TMEM181: variants seen among roughly 807,000 people sequenced by gnomAD.
The protein encoded by TMEM181 is G protein-coupled receptor 178.
In TMEM181, 39 loss-of-function variants were observed where a neutral mutation model predicts 71.9. That is an observed-to-expected ratio of 0.54 (90% CI 0.42 to 0.71). The LOEUF is 0.71. Ranked by LOEUF, TMEM181 falls within the 30% of genes least tolerant of loss-of-function variation. The pLI is 0.00. For synonymous variants in TMEM181, 245 were observed against 228.8 expected (o/e 1.07, Z -0.64); for missense variants, 595 against 583.0 (o/e 1.02, Z -0.21).
chr6:158,591,703 C>G (rs1784119613), intron 6 of TMEM181, among the ~76,000 whole-genome samples: 1 of 152,034 alleles, frequency 6.6e-6, no homozygotes. Context: ...CAAGGGACCT[C>G]TCCCTTTCAT....
intron 1 of TMEM181, among the ~76,000 whole-genome samples, chr6:158,547,366 G>T (rs1781559923): frequency 6.6e-6 from 1 of 152,042 alleles, no homozygotes; most frequent in South Asian, 2.1e-4. Context: ...TGAGCACTGG[G>T]TTTTTTTTAA....
At chr6:158,598,537 T>C (rs1014231753) in intron 6 of TMEM181, among the ~76,000 whole-genome samples, 1 of 152,152 alleles carries the variant, frequency 6.6e-6, no homozygotes, top group Non-Finnish European at 1.5e-5. Flanking sequence ...TACTGTACTT[T>C]CCTGAGTGCT....
intron 6 of TMEM181, among the ~76,000 whole-genome samples, chr6:158,597,656 C>T (rs1784453972): frequency 1.3e-5 from 2 of 152,156 alleles, no homozygotes; most frequent in African/African-American, 4.8e-5. Context: ...GCACACACCA[C>T]CATGCCTGGC....
chr6:158,571,040 A>G (rs1413720440), intron 1 of TMEM181, among the ~76,000 whole-genome samples: 2 of 151,752 alleles, frequency 1.3e-5, no homozygotes, highest in South Asian at 2.1e-4. Context: ...AGCCTCCTGA[A>G]CAGCTGAGAT....
In TMEM181 at chr6:158,605,342, G is replaced by T. The variant is rs762469850; in HGVS notation, c.568G>T (p.Val190Phe). 1 of 1,613,648 alleles carries T rather than the reference G, an allele frequency of 6.2e-7. No homozygotes were observed. Among genetic ancestry groups the T allele is most frequent in the South Asian group, 1.1e-5 (1 of 91,084 alleles). Reference sequence around the variant, plus strand: ...TTTCTTTGTGGTGCTCACCTTCATCGTCACTGTGAGTACCATTCGCCTGAT... The same window carrying T: ...TTTCTTTGTGGTGCTCACCTTCATCTTCACTGTGAGTACCATTCGCCTGAT... ...RFFFVVLTFI[V>F]TCLFAHSLRK... Residue 190 changes from valine to phenylalanine, a missense_variant, in exon 7 of 17, where the codon GTC becomes TTC. Physicochemically the swap from Val to Phe is conservative, Grantham distance 50. Coordinates refer to ENST00000684151, the MANE Select transcript of TMEM181 (RefSeq NM_001376852.1).
chr6:158,544,182 A>AGAGAGAGAGAGTGTGTGTGTGTGT (rs149735409), intron 1 of TMEM181, among the ~76,000 whole-genome samples: 67 of 127,646 alleles, frequency 5.2e-4, no homozygotes, highest in Non-Finnish European at 1.0e-3. Context: ...AATTGGAGAG[A>AGAGAGAGAGAGTGTGTGTGTGTGT]GTGTGTGTGT....
At chr6:158,589,275 C>T (rs908847189) in intron 5 of TMEM181, among the ~76,000 whole-genome samples, 7 of 152,138 alleles carry the variant, frequency 4.6e-5, no homozygotes, top group African/African-American at 9.7e-5. Context: ...TTATAACAAT[C>T]GCAAAATTGG....
At chr6:158,551,603 C>G (rs1448906690) in intron 1 of TMEM181, among the ~76,000 whole-genome samples, 1 of 152,032 alleles carries the variant, frequency 6.6e-6, no homozygotes, top group Non-Finnish European at 1.5e-5. Context: ...AAGATGGCAA[C>G]CAGAATCATG....
At chr6:158,536,921 C>G in intron 1 of TMEM181, 1 of 1,217,218 alleles carries the variant, frequency 8.2e-7, no homozygotes, top group Non-Finnish European at 1.0e-6. Context: ...CCGCAGTCCC[C>G]TCCGGGACCC....
chr6:158,626,964 CCT>C (rs1230645740), intron 13 of TMEM181, among the ~76,000 whole-genome samples: 6 of 117,964 alleles, frequency 5.1e-5, no homozygotes, highest in Admixed American at 1.8e-4. Context: ...TCACTCACAC[CCT>C]CTCACACATC....
intron 5 of TMEM181, 121 bp from the exon 6 acceptor site, chr6:158,589,551 C>G: frequency 2.9e-6 from 2 of 697,298 alleles, no homozygotes; most frequent in Admixed American, 4.8e-5. Flanking sequence ...GGGCTTTTGG[C>G]GAGTTCCCTG....
chr6:158,569,899 C>T (rs1413573532), intron 1 of TMEM181, among the ~76,000 whole-genome samples: 1 of 152,196 alleles, frequency 6.6e-6, no homozygotes, highest in Non-Finnish European at 1.5e-5. Flanking sequence ...CCACCGCACC[C>T]AGCCTCTCAT....
At chr6:158,571,243 C>T (rs576503535) in intron 1 of TMEM181, among the ~76,000 whole-genome samples, 19 of 152,192 alleles carry the variant, frequency 1.2e-4, no homozygotes, top group Non-Finnish European at 2.6e-4. Context: ...ACTGCAGGCA[C>T]CCGCCACCGC....
intron 1 of TMEM181, among the ~76,000 whole-genome samples, chr6:158,549,952 C>T (rs1450278835): frequency 1.2e-4 from 13 of 110,828 alleles, no homozygotes; most frequent in East Asian, 2.7e-4. Flanking sequence ...TTTGTCAGGA[C>T]TTTTTTTTTT....
intron 6 of TMEM181, among the ~76,000 whole-genome samples, chr6:158,597,588 C>T (rs180954386): frequency 3.3e-3 from 505 of 152,200 alleles, no homozygotes; most frequent in African/African-American, 0.011. Flanking sequence ...GCAGTATCAA[C>T]CTCCCAGCCT....
At chr6:158,587,339 G>A (rs183515582) in intron 5 of TMEM181, among the ~76,000 whole-genome samples, 8 of 152,204 alleles carry the variant, frequency 5.3e-5, no homozygotes, top group Non-Finnish European at 8.8e-5. Context: ...TCCCGCTTCC[G>A]TTGTTGGCCC....
In TMEM181 at chr6:158,635,152, A is replaced by G. The variant is rs1224741650; in HGVS notation, c.*3264A>G. ...GATACGCTAGTAACTGTGATACCAT[A>G]CTATAAAACAGAAGAATTTTCTGCT... On this transcript the variant is annotated 3_prime_UTR_variant, in exon 17 of 17. Coordinates refer to ENST00000684151, the MANE Select transcript of TMEM181 (RefSeq NM_001376852.1). The G allele has an allele frequency of 6.6e-6, 1 of 152,242 alleles. No individual in the cohort carries two copies. The highest frequency in any genetic ancestry group is 1.5e-5 in the Non-Finnish European group (1 of 68,048). 9.4% of individuals were successfully genotyped at this position (152,242 alleles called of 1,614,324 possible).
At chr6:158,598,234 C>T (rs960125691) in intron 6 of TMEM181, among the ~76,000 whole-genome samples, 16 of 152,348 alleles carry the variant, frequency 1.1e-4, no homozygotes, top group African/African-American at 3.6e-4. Flanking sequence ...ACGTCACATG[C>T]GTCATCCTCA....
intron 2 of TMEM181, among the ~76,000 whole-genome samples, chr6:158,578,657 T>G (rs944668007): frequency 6.6e-6 from 1 of 152,144 alleles, no homozygotes; most frequent in Non-Finnish European, 1.5e-5. Context: ...CTTTAGGATA[T>G]TAAAAGAGGT....
Sources: gnomAD v4.1 joint callset for allele counts (sites outside exome capture counted in the v4.1 genomes callset) on GRCh38, gnomAD v4.1.1 for gene constraint, MANE v1.5 for transcripts, NCBI Gene and HGNC (gene_info 2026-07-23, HGNC 2026-07-21) for gene names.